Variants in CSF2RA observed in about 807,000 individuals in gnomAD.
CSF2RA encodes colony stimulating factor 2 receptor subunit alpha.
A neutral mutation model predicts 51.6 loss-of-function variants in CSF2RA; 42 were observed. The ratio of observed to expected loss-of-function variants is 0.81; its 90% CI spans 0.64 to 1.05. CSF2RA has a LOEUF of 1.05. Among genes scored for constraint, CSF2RA ranks in the 50% least tolerant of loss-of-function variants. CSF2RA has a pLI of 0.00. For synonymous variants in CSF2RA, 222 were observed against 193.0 expected (o/e 1.15, Z -1.24); for missense variants, 530 against 501.1 (o/e 1.06, Z -0.55).
At position 1,271,887 on chromosome X, in the gene CSF2RA, C is replaced by T. The variant is rs188469086; in HGVS notation, c.-90-2868C>T. Among the ~76,000 whole-genome samples, 57 of 152,070 alleles carry T rather than the reference C, an allele frequency of 3.7e-4. 1 individual carries two copies. Among genetic ancestry groups the T allele is most frequent in the African/African-American group, 1.3e-3 (55 of 41,480 alleles). ...TCGAGGGCTGAAAGCTCTTGGTCCC[C>T]TGTAGGTTTGCTGTAGATGACAGAC... On this transcript the variant is annotated intron_variant, in intron 1 of 12. Coordinates refer to ENST00000381529, the MANE Select transcript of CSF2RA (RefSeq NM_172245.4).
At chrX:1,302,372 T>C (rs1254083371) in intron 10 of CSF2RA, among the ~76,000 whole-genome samples, 2 of 151,672 alleles carry the variant, frequency 1.3e-5, no homozygotes, top group African/African-American at 4.8e-5. Flanking sequence ...AGAAGAAAAA[T>C]TGTGAGCTGC....
chrX:1,303,366 G>T, intron 10 of CSF2RA: 1 of 426,420 alleles, frequency 2.3e-6, no homozygotes, highest in South Asian at 7.5e-5. Context: ...CTCCCAGGTA[G>T]ATAGGATTAC....
chrX:1,289,108 C>T, intron 6 of CSF2RA: 1 of 597,888 alleles, frequency 1.7e-6, no homozygotes, highest in Non-Finnish European at 2.9e-6. Context: ...ATTACAGGCG[C>T]CCGCCACCAC....
chrX:1,301,962 G>A (rs2083014336), intron 10 of CSF2RA, among the ~76,000 whole-genome samples: 1 of 142,244 alleles, frequency 7.0e-6, no homozygotes, highest in Non-Finnish European at 1.5e-5. Flanking sequence ...TGTTGCCCAG[G>A]CTGGAGTGCA....
chrX:1,286,241 C>T (rs1315226621), intron 4 of CSF2RA, among the ~76,000 whole-genome samples: 1 of 151,922 alleles, frequency 6.6e-6, no homozygotes, highest in Non-Finnish European at 1.5e-5. Context: ...CCATTGCACT[C>T]CAGCCTGGGT....
At chrX:1,320,248 G>A in the CSF2RA span, among the ~76,000 whole-genome samples, 4 of 151,578 alleles carry the variant, frequency 2.6e-5, no homozygotes, top group Non-Finnish European at 5.9e-5. Flanking sequence ...GGCTGGTCTC[G>A]AACTCCTGAC....
At chrX:1,303,855 G>C in intron 10 of CSF2RA, 68 bp from the exon 11 acceptor site, 1 of 1,327,682 alleles carries the variant, frequency 7.5e-7, no homozygotes, top group South Asian at 1.2e-5. Flanking sequence ...GACACCCGAA[G>C]AGATTTAATT....
At chrX:1,301,189 G>A (rs1263153482) in intron 10 of CSF2RA, among the ~76,000 whole-genome samples, 1 of 147,084 alleles carries the variant, frequency 6.8e-6, no homozygotes, top group Non-Finnish European at 1.5e-5. Flanking sequence ...AAACTAACCA[G>A]GATTGGTGGC....
chrX:1,314,452 G>GCACTGCACCTGCCCAACCC (rs1569514867), downstream of CSF2RA, among the ~76,000 whole-genome samples: 3 of 44,678 alleles, frequency 6.7e-5, no homozygotes, highest in South Asian at 9.3e-4. Flanking sequence ...TTGCCCAATT[G>GCACTGCACCTGCCCAACCC]CACTGCACCT....
intron 4 of CSF2RA, among the ~76,000 whole-genome samples, chrX:1,287,814 G>A (rs1271013281): frequency 7.3e-6 from 1 of 137,752 alleles, no homozygotes; most frequent in Non-Finnish European, 1.6e-5. Context: ...TCAGCTCACT[G>A]CAACCTGTGC....
chrX:1,281,192 C>T (rs2089997726), intron 2 of CSF2RA, among the ~76,000 whole-genome samples: 1 of 83,186 alleles, frequency 1.2e-5, no homozygotes, highest in Non-Finnish European at 2.8e-5. Context: ...TTCTCCTTCT[C>T]CTCCTTCTCC....
At chrX:1,288,093 C>A (rs116846514) in intron 4 of CSF2RA, among the ~76,000 whole-genome samples, 7,323 of 152,004 alleles carry the variant, frequency 0.048, 563 homozygotes, top group African/African-American at 0.17. Flanking sequence ...CACCTGCAAG[C>A]TGGTATTCAG....
chrX:1,304,561 T>C (rs1181761645), intron 11 of CSF2RA, among the ~76,000 whole-genome samples: 3 of 151,628 alleles, frequency 2.0e-5, no homozygotes, highest in South Asian at 2.1e-4. Context: ...AAGTCACTGC[T>C]GTTGAAGGGC....
At chrX:1,299,378 G>A (rs1218862829) in intron 9 of CSF2RA, among the ~76,000 whole-genome samples, 18 of 152,200 alleles carry the variant, frequency 1.2e-4, no homozygotes, top group Non-Finnish European at 2.2e-4. Flanking sequence ...TAAACTATCC[G>A]TCTGAAGGTC....
intron 1 of CSF2RA, among the ~76,000 whole-genome samples, chrX:1,270,375 G>C: frequency 6.6e-6 from 1 of 151,926 alleles, no homozygotes; most frequent in Non-Finnish European, 1.5e-5. Context: ...GAGTAGCTGG[G>C]TCAAAGGCAA....
chrX:1,307,121 C>A (rs771215429), intron 12 of CSF2RA, among the ~76,000 whole-genome samples: 3 of 152,136 alleles, frequency 2.0e-5, no homozygotes, highest in Non-Finnish European at 2.9e-5. Flanking sequence ...TCAGGGACTG[C>A]GTCTTATGTT....
At chrX:1,274,314 T>A (rs1413618043) in intron 1 of CSF2RA, among the ~76,000 whole-genome samples, 2 of 151,664 alleles carry the variant, frequency 1.3e-5, no homozygotes, top group Non-Finnish European at 2.9e-5. Flanking sequence ...CTTTCATACA[T>A]TTTTTTGGCG....
chrX:1,271,577 T>C (rs28697257), intron 1 of CSF2RA, among the ~76,000 whole-genome samples: 99,746 of 151,186 alleles, frequency 0.66, 32,963 homozygotes, highest in Middle Eastern at 0.79. Flanking sequence ...AGTGCAGTGG[T>C]GCGATCTCGG....
chrX:1,276,482 T>C (rs1473755838), intron 2 of CSF2RA, among the ~76,000 whole-genome samples: 1 of 151,990 alleles, frequency 6.6e-6, no homozygotes, highest in African/African-American at 2.4e-5. Context: ...CCAGTGATTC[T>C]CCTGCCTCAG....
Sources: allele counts gnomAD v4.1 joint callset (sites outside exome capture counted in the v4.1 genomes callset), GRCh38; gene constraint gnomAD v4.1.1; transcripts MANE v1.5; gene names NCBI Gene and HGNC (gene_info 2026-07-23, HGNC 2026-07-21).